CCDC144A: variants seen among roughly 807,000 people sequenced by gnomAD.
CCDC144A encodes coiled-coil domain-containing protein 144A.
A neutral mutation model predicts 143.8 loss-of-function variants in CCDC144A; 41 were observed. The observed-to-expected ratio is 0.29, with a 90% confidence interval of 0.22 to 0.37. The LOEUF is 0.37. Ranked by LOEUF, CCDC144A falls within the 10% of genes least tolerant of loss-of-function variation. The pLI is 1.00. For missense variants in CCDC144A, 637 were observed against 1,488.8 expected, an observed-to-expected ratio of 0.43 and a Z score of 9.41; for synonymous variants, 242 against 517.9, an observed-to-expected ratio of 0.47 and a Z score of 7.23.
the CCDC144A span, among the ~76,000 whole-genome samples, chr17:16,673,580 T>G: frequency 6.6e-6 from 1 of 151,658 alleles, no homozygotes; most frequent in East Asian, 1.9e-4. Context: ...GAGACTGGGT[T>G]TCTCCATGTT....
Position 16,709,483 on chromosome 17 carries a change from C to T in CCDC144A, c.1426C>T (p.Leu476=). 6.2e-7 allele frequency: 1 copy of T among 1,611,572 alleles called. No individual in the cohort carries two copies. Among genetic ancestry groups the T allele is most frequent in the East Asian group, 2.2e-5 (1 of 44,834 alleles). The change falls in exon 5 of 17, where the codon CTG becomes TTG. Residue 476 remains leucine, a synonymous_variant. Coordinates refer to ENST00000399273, the MANE Select transcript of CCDC144A (RefSeq NM_001382000.1). ...AAGCCTGAAACCTAAATTAGAAAAT[C>T]TGAGTTCTTTACCACCAGATTCTGA... ...YKSLKPKLEN[L]SSLPPDSDRT... is the part of the protein sequence containing the mutation.
intron 12 of CCDC144A, among the ~76,000 whole-genome samples, chr17:16,742,466 T>G (rs1339022363): frequency 6.6e-6 from 1 of 152,186 alleles, no homozygotes; most frequent in East Asian, 1.9e-4. Context: ...ATTGATCTGT[T>G]GATGAACATT....
chr17:16,765,782 C>T (rs1401251855), intron 15 of CCDC144A: 1 of 152,028 alleles, frequency 6.6e-6, no homozygotes, highest in Non-Finnish European at 1.5e-5. Context: ...TTTTATTTTT[C>T]TGAAAAAAAT....
chr17:16,691,073 A>G (rs2621673), intron 1 of CCDC144A, among the ~76,000 whole-genome samples: 13 of 152,192 alleles, frequency 8.5e-5, no homozygotes, highest in East Asian at 7.7e-4. Context: ...ATGTTGGCCG[A>G]GCTCGGTGGC....
the CCDC144A span, among the ~76,000 whole-genome samples, chr17:16,682,438 A>G: frequency 6.6e-6 from 1 of 152,072 alleles, no homozygotes; most frequent in African/African-American, 2.4e-5. Context: ...CCAAGTGAAG[A>G]AGTCAGACGG....
intron 15 of CCDC144A, chr17:16,765,320 GA>G (rs1878921864): frequency 7.0e-6 from 1 of 142,172 alleles, no homozygotes; most frequent in Non-Finnish European, 1.5e-5. Context: ...TTGAACCCAG[GA>G]GTTCAAATCT....
chr17:16,670,363 C>T, the CCDC144A span, among the ~76,000 whole-genome samples: 1 of 145,454 alleles, frequency 6.9e-6, no homozygotes, highest in Non-Finnish European at 1.5e-5. Flanking sequence ...TCTTGGCTCA[C>T]TGCAACTTCT....
At chr17:16,748,219 G>A (rs1343606384) in intron 12 of CCDC144A, among the ~76,000 whole-genome samples, 1 of 152,118 alleles carries the variant, frequency 6.6e-6, no homozygotes, top group Non-Finnish European at 1.5e-5. Context: ...TATGGTTTTA[G>A]CTGTGGGTTT....
intron 12 of CCDC144A, among the ~76,000 whole-genome samples, chr17:16,755,872 G>GT (rs563923776): frequency 2.0e-3 from 309 of 152,266 alleles, no homozygotes; most frequent in African/African-American, 7.2e-3. Context: ...CTCTTTTTCA[G>GT]TTTTAAAGGA....
In CCDC144A at chr17:16,709,453, T is replaced by A. The variant is rs1156515720; in HGVS notation, c.1396T>A (p.Tyr466Asn). Residue 466 changes from tyrosine (Y) to asparagine (N), a missense_variant, in exon 5 of 17, where the codon TAT becomes AAT. Physicochemically the swap from Tyr to Asn is moderately radical, Grantham distance 143. Coordinates refer to ENST00000399273, the MANE Select transcript of CCDC144A (RefSeq NM_001382000.1). ...TAGTGACAGTGGCAGTACAAACAAC[T>A]ATAAAAGCCTGAAACCTAAATTAGA... Reference protein sequence around the residue: ...QNSDSGSTNNYKSLKPKLENL... With the variant: ...QNSDSGSTNNNKSLKPKLENL... The A allele has an allele frequency of 3.1e-6, 5 of 1,611,588 alleles. No individual in the cohort carries two copies. The Admixed American group carries it at 5.0e-5, about 16-fold the overall frequency.
the CCDC144A span, among the ~76,000 whole-genome samples, chr17:16,677,814 G>GAA: frequency 7.9e-6 from 1 of 125,906 alleles, no homozygotes; most frequent in African/African-American, 2.9e-5. Context: ...CTCAAAAAAA[G>GAA]AAAAAAAAAA....
upstream of CCDC144A, among the ~76,000 whole-genome samples, chr17:16,684,661 A>C (rs9890537): frequency 0.39 from 53,069 of 135,508 alleles, 9,688 homozygotes; most frequent in African/African-American, 0.54. Flanking sequence ...GACTCCATCT[A>C]AAAAAAAAAA....
At chr17:16,712,362 G>A (rs560008052) in intron 6 of CCDC144A, among the ~76,000 whole-genome samples, 1 of 151,996 alleles carries the variant, frequency 6.6e-6, no homozygotes, top group Admixed American at 6.6e-5. Flanking sequence ...GAAGAAAAAG[G>A]CGTTTTCATA....
intron 8 of CCDC144A, among the ~76,000 whole-genome samples, chr17:16,726,791 C>G (rs1913452481): frequency 6.6e-6 from 1 of 150,956 alleles, no homozygotes; most frequent in Non-Finnish European, 1.5e-5. Context: ...TGTCTCCTTT[C>G]CGGTGTTCTG....
the CCDC144A span, among the ~76,000 whole-genome samples, chr17:16,672,393 C>T: frequency 6.6e-6 from 1 of 151,688 alleles, no homozygotes; most frequent in African/African-American, 2.4e-5. Flanking sequence ...TGCAGTGAGC[C>T]AAGATCACGC....
intron 8 of CCDC144A, among the ~76,000 whole-genome samples, chr17:16,726,097 G>T (rs543771395): frequency 6.6e-6 from 1 of 152,108 alleles, no homozygotes; most frequent in South Asian, 2.1e-4. Context: ...AAAATCTTCC[G>T]GCCGGGCGCG....
chr17:16,750,474 T>C (rs562952555), intron 12 of CCDC144A, among the ~76,000 whole-genome samples: 6 of 148,648 alleles, frequency 4.0e-5, no homozygotes, highest in Admixed American at 6.6e-5. Flanking sequence ...GCAGCTGTTA[T>C]AGCTGCCTGT....
In CCDC144A at chr17:16,700,060, G is replaced by A. The variant is rs561020307; in HGVS notation, c.416-5091G>A. 8.5e-4 allele frequency among the ~76,000 whole-genome samples: 129 copies of A among 152,258 alleles called. 1 individual carries two copies. The highest frequency in any genetic ancestry group is 2.8e-3 in the African/African-American group (115 of 41,538). On this transcript the variant is annotated intron_variant, in intron 2 of 16. Transcript: ENST00000399273. The stretch of plus-strand genomic sequence containing the variant: ...GGTTCCCAAGACCCCCTTCACTGAG[G>A]TTTGGTAATTCACTGAGAAGGACTC...
In CCDC144A at chr17:16,734,703, A is replaced by C. The variant is rs1913912108; in HGVS notation, c.2432A>C (p.His811Pro). Residue 811 changes from histidine (H) to proline (P), a missense_variant, in exon 12 of 17, where the codon CAT becomes CCT. Coordinates refer to ENST00000399273, the MANE Select transcript of CCDC144A (RefSeq NM_001382000.1). Reference protein sequence around the residue: ...KKMNSEISHRHQKEKDLFHED... With the variant: ...KKMNSEISHRPQKEKDLFHED... Reference sequence around the variant, plus strand: ...TTTCTTACTTAGATTTCTCATAGGCATCAGAAAGAAAAGGATCTCTTTCAT... The same window carrying C: ...TTTCTTACTTAGATTTCTCATAGGCCTCAGAAAGAAAAGGATCTCTTTCAT... The C allele has an allele frequency of 6.4e-7, 1 of 1,563,702 alleles. No homozygotes were observed. The highest frequency in any genetic ancestry group is 1.4e-5 in the African/African-American group (1 of 72,588).
Sources: allele counts gnomAD v4.1 joint callset (sites outside exome capture counted in the v4.1 genomes callset), GRCh38; gene constraint gnomAD v4.1.1; transcripts MANE v1.5; gene names NCBI Gene and HGNC (gene_info 2026-07-23, HGNC 2026-07-21).